GALK2: variants seen among roughly 807,000 people sequenced by gnomAD.
The protein encoded by GALK2 is galactokinase 2, also known as N-acetylgalactosamine kinase.
In GALK2, 36 loss-of-function variants were observed where a neutral mutation model predicts 52.4. That is an observed-to-expected ratio of 0.69 (90% CI 0.53 to 0.91). GALK2 has a LOEUF of 0.91. GALK2 is among the 40% of genes least tolerant of loss of function. GALK2 has a pLI of 0.00. For synonymous variants in GALK2, 176 were observed against 199.1 expected (o/e 0.88, Z 0.98); for missense variants, 579 against 559.1 (o/e 1.04, Z -0.36).
intron 2 of GALK2, among the ~76,000 whole-genome samples, chr15:49,207,928 A>C (rs1365856440): frequency 6.6e-6 from 1 of 152,048 alleles, no homozygotes; most frequent in Non-Finnish European, 1.5e-5. Flanking sequence ...ACCCACCACC[A>C]TGCCCAGCTA....
At chr15:49,212,853 C>G (rs1314481000) in intron 2 of GALK2, among the ~76,000 whole-genome samples, 1 of 152,118 alleles carries the variant, frequency 6.6e-6, no homozygotes, top group African/African-American at 2.4e-5. Flanking sequence ...TCATTATGAT[C>G]AGAGAAGTTA....
chr15:49,283,832 A>AG (rs111622308), intron 7 of GALK2, 114 bp downstream of exon 7: 35,074 of 1,019,386 alleles, frequency 0.034, 1,241 homozygotes, highest in African/African-American at 0.15. Context: ...TTCTGACTGC[A>AG]CAGCATTCCA....
intron 5 of GALK2, 95 bp from the exon 6 acceptor site, chr15:49,281,892 C>G: frequency 1.2e-6 from 1 of 831,046 alleles, no homozygotes; most frequent in Non-Finnish European, 2.0e-6. Flanking sequence ...AGAGTTGGTG[C>G]TGGAATTCAA....
chr15:49,349,684 A>C (rs1318757221), intron 3 of GALK2, among the ~76,000 whole-genome samples: 3 of 152,134 alleles, frequency 2.0e-5, no homozygotes, highest in Non-Finnish European at 2.9e-5. Flanking sequence ...TAACTGTAAA[A>C]AGGCAATTGC....
At chr15:49,277,769 C>T (rs1387348773) in intron 5 of GALK2, among the ~76,000 whole-genome samples, 1 of 151,510 alleles carries the variant, frequency 6.6e-6, no homozygotes, top group Non-Finnish European at 1.5e-5. Flanking sequence ...GCACTCCAGC[C>T]TGCGGACAGA....
intron 3 of GALK2, among the ~76,000 whole-genome samples, chr15:49,227,106 C>T (rs1184429638): frequency 6.6e-6 from 1 of 152,172 alleles, no homozygotes. Flanking sequence ...TCTGTAGCTG[C>T]TGGATGAAAT....
At chr15:49,231,109 G>C (rs1486712423) in intron 3 of GALK2, among the ~76,000 whole-genome samples, 1 of 152,134 alleles carries the variant, frequency 6.6e-6, no homozygotes, top group Non-Finnish European at 1.5e-5. Flanking sequence ...AGAAATACCT[G>C]AGACTGGGTA....
chr15:49,157,091 G>A (rs1023370258), intron 1 of GALK2, among the ~76,000 whole-genome samples: 2 of 152,164 alleles, frequency 1.3e-5, no homozygotes, highest in African/African-American at 4.8e-5. Context: ...CAGCACATCT[G>A]TACCTTTATT....
chr15:49,202,236 C>A (rs1312565947), intron 2 of GALK2, among the ~76,000 whole-genome samples: 1 of 152,178 alleles, frequency 6.6e-6, no homozygotes, highest in African/African-American at 2.4e-5. Flanking sequence ...AACTCCCAAT[C>A]TCAGGTGATC....
intron 3 of GALK2, among the ~76,000 whole-genome samples, chr15:49,345,024 G>C (rs2041263721): frequency 6.6e-6 from 1 of 152,140 alleles, no homozygotes; most frequent in Non-Finnish European, 1.5e-5. Flanking sequence ...GCTATTACCT[G>C]CTACTATTTA....
intron 1 of GALK2, among the ~76,000 whole-genome samples, chr15:49,172,916 CAT>C (rs1392434832): frequency 3.9e-5 from 6 of 152,152 alleles, no homozygotes; most frequent in African/African-American, 1.4e-4. Flanking sequence ...ATTCACGTAT[CAT>C]ATAACTAATT....
At position 49,343,159 on chromosome 15, in the gene GALK2, A is replaced by C. The variant is rs80078194; in HGVS notation, c.426+23354A>C. ...CTTTTTCTCCTCTCTCAGGAATGCC[A>C]ATAATTTATAGGTTTGGTCACTTTA... On this transcript the variant is annotated intron_variant, in intron 3 of 3. Coordinates refer to the GALK2 transcript ENST00000558399. 2.8e-3 allele frequency among the ~76,000 whole-genome samples: 426 copies of C among 152,242 alleles called. 19 individuals carry two copies. The East Asian group carries it at 0.077, about 28-fold the overall frequency.
At chr15:49,165,426 T>A (rs2084787908), upstream of GALK2, among the ~76,000 whole-genome samples, 2 of 152,224 alleles carry the variant, frequency 1.3e-5, no homozygotes, top group South Asian at 4.1e-4. Context: ...TATTCCTTCA[T>A]TAAACATTCC....
intron 3 of GALK2, among the ~76,000 whole-genome samples, chr15:49,226,134 C>T (rs1488749527): frequency 6.6e-6 from 1 of 152,136 alleles, no homozygotes; most frequent in Non-Finnish European, 1.5e-5. Flanking sequence ...TTGCGGCTGT[C>T]ATGTGTGCCA....
Position 49,239,376 on chromosome 15 carries a change from C to T in GALK2, c.504+9C>T. 6.2e-7 allele frequency: 1 copy of T among 1,612,454 alleles called. No homozygotes were observed. The highest frequency in any genetic ancestry group is 8.5e-7 in the Non-Finnish European group (1 of 1,178,970). On this transcript the variant is annotated intron_variant, in intron 5 of 9. Transcript: ENST00000560031. ...GAAGGAATCTATCCAAGGTAACTAC[C>T]TTTGATAGGAAACCTCATAGAACCC...
intron 3 of GALK2, chr15:49,365,352 CAT>C: frequency 6.6e-7 from 1 of 1,505,278 alleles, no homozygotes; most frequent in Non-Finnish European, 9.2e-7. Flanking sequence ...ATGCCAATAG[CAT>C]AGGCAACTGT....
intron 1 of GALK2, among the ~76,000 whole-genome samples, chr15:49,175,216 A>G (rs1288239879): frequency 6.6e-6 from 1 of 152,198 alleles, no homozygotes; most frequent in African/African-American, 2.4e-5. Context: ...AAAGACAGTT[A>G]GTGCACAGCC....
intron 1 of GALK2, among the ~76,000 whole-genome samples, chr15:49,180,395 T>C (rs1428443329): frequency 6.6e-6 from 1 of 152,210 alleles, no homozygotes; most frequent in African/African-American, 2.4e-5. Flanking sequence ...TCCTTTGGAT[T>C]TGACATTTCA....
intron 1 of GALK2, among the ~76,000 whole-genome samples, chr15:49,158,094 C>G (rs1373971951): frequency 6.6e-6 from 1 of 151,998 alleles, no homozygotes; most frequent in African/African-American, 2.4e-5. Context: ...CTTAGTTTTT[C>G]AAATCCTAGT....
Sources: gnomAD v4.1 joint callset for allele counts (sites outside exome capture counted in the v4.1 genomes callset) on GRCh38, gnomAD v4.1.1 for gene constraint, MANE v1.5 for transcripts, NCBI Gene and HGNC (gene_info 2026-07-23, HGNC 2026-07-21) for gene names.